ITPR1: variants seen among roughly 807,000 people sequenced by gnomAD.
The protein encoded by ITPR1 is inositol 1,4,5-trisphosphate receptor type 1.
A neutral mutation model predicts 318.4 loss-of-function variants in ITPR1; 96 were observed. That is an observed-to-expected ratio of 0.30 (90% confidence interval 0.26 to 0.36). The LOEUF (loss-of-function observed/expected upper bound fraction) is 0.36, where lower values mean the gene tolerates loss of function less well. Among genes scored for constraint, ITPR1 ranks in the 10% least tolerant of loss-of-function variants. The probability of loss-of-function intolerance (pLI) is 1.00; values close to 1 mark genes in which losing one functional copy is unlikely to be tolerated. For synonymous variants in ITPR1, 1,312 were observed against 1,289.9 expected, an observed-to-expected ratio of 1.02 and a Z score of -0.37; for missense variants, 2,440 against 3,460.2, an observed-to-expected ratio of 0.71 and a Z score of 7.40.
chr3:4,839,661 T>C (rs996682371), intron 61 of ITPR1, among the ~76,000 whole-genome samples: 1 of 152,236 alleles, frequency 6.6e-6, no homozygotes, highest in African/African-American at 2.4e-5. Flanking sequence ...GTGAGCATAG[T>C]AGAGACTTGG....
intron 61 of ITPR1, among the ~76,000 whole-genome samples, chr3:4,841,762 G>C (rs1167163375): frequency 6.6e-6 from 1 of 152,186 alleles, no homozygotes; most frequent in Non-Finnish European, 1.5e-5. Flanking sequence ...TTCAAAGCCT[G>C]AGTAAGAGTT....
chr3:4,576,666 C>T (rs529903996), intron 4 of ITPR1, among the ~76,000 whole-genome samples: 11 of 152,318 alleles, frequency 7.2e-5, no homozygotes, highest in African/African-American at 1.9e-4. Context: ...GCCCGTTATC[C>T]GTGGAATGCT....
chr3:4,664,739 T>G (rs2093910209), intron 16 of ITPR1, among the ~76,000 whole-genome samples: 1 of 152,372 alleles, frequency 6.6e-6, no homozygotes, highest in South Asian at 2.1e-4. Context: ...TCATCCATTT[T>G]CATCCTTACT....
At chr3:4,604,114 T>A (rs898701870) in intron 4 of ITPR1, among the ~76,000 whole-genome samples, 13 of 152,356 alleles carry the variant, frequency 8.5e-5, no homozygotes, top group Admixed American at 6.5e-5. Context: ...CCTGTGTTGG[T>A]TGACCATCTG....
intron 36 of ITPR1, among the ~76,000 whole-genome samples, 198 bp from the exon 37 acceptor site, chr3:4,705,969 C>A (rs1409912839): frequency 1.3e-5 from 2 of 152,168 alleles, no homozygotes; most frequent in East Asian, 1.9e-4. Flanking sequence ...TGCTTCCCCC[C>A]AGAATTCACA....
At chr3:4,808,698 A>G (rs146822612) in intron 55 of ITPR1, among the ~76,000 whole-genome samples, 1 of 152,306 alleles carries the variant, frequency 6.6e-6, no homozygotes, top group African/African-American at 2.4e-5. Flanking sequence ...AAATTATTCT[A>G]CTAATAAGGA....
chr3:4,702,728 G>T, intron 35 of ITPR1, 102 bp from the exon 36 acceptor site: 1 of 1,252,552 alleles, frequency 8.0e-7, no homozygotes, highest in Non-Finnish European at 1.1e-6. Context: ...TCTCTGATCT[G>T]GGGTCCAGTG....
chr3:4,499,499 A>G (rs304066), intron 2 of ITPR1, among the ~76,000 whole-genome samples: 16,992 of 152,152 alleles, frequency 0.11, 1,017 homozygotes, highest in African/African-American at 0.15. Flanking sequence ...ACATATATAA[A>G]TAGATATTTG....
In ITPR1 at chr3:4,831,106, GTCTCTC is replaced by G. The variant is rs147851903; in HGVS notation, c.8029-5647_8029-5642del. 5.3e-3 allele frequency: 2,097 copies of G among 395,200 alleles called. 41 individuals are homozygous for G. Among genetic ancestry groups the G allele is most frequent in the Admixed American group, 0.018 (638 of 35,286 alleles). 24.5% of individuals were successfully genotyped at this position (395,200 alleles called of 1,614,324 possible). ...CTTCCTCCTCCGTCTGTCTGTCTTTGTCTCTCTCTCTCTCTCTCTCTCTCTCACACA... is the reference window on the plus strand; with the variant it reads ...CTTCCTCCTCCGTCTGTCTGTCTTTGTCTCTCTCTCTCTCTCTCTCACACA... On this transcript the variant is annotated intron_variant, in intron 60 of 61. Transcript: ENST00000649015.
At chr3:4,511,552 G>A (rs1203472614) in intron 2 of ITPR1, among the ~76,000 whole-genome samples, 1 of 152,212 alleles carries the variant, frequency 6.6e-6, no homozygotes, top group Non-Finnish European at 1.5e-5. Flanking sequence ...TATATTGGTG[G>A]CATGCCTACT....
chr3:4,610,948 C>T (rs1401690713), intron 4 of ITPR1, among the ~76,000 whole-genome samples: 4 of 81,482 alleles, frequency 4.9e-5, no homozygotes, highest in African/African-American at 1.2e-4. Flanking sequence ...TTCCTCTTCC[C>T]CTTCCCCTTC....
In ITPR1 at chr3:4,589,567, C is replaced by A. The variant is rs1429458860; in HGVS notation, c.164-38196C>A. Among the ~76,000 whole-genome samples the A allele has an allele frequency of 3.9e-5, 6 of 152,210 alleles. No homozygotes were observed. In the East Asian group the frequency reaches 1.2e-3, roughly 29 times the overall value. On this transcript the variant is annotated intron_variant, in intron 4 of 61. Transcript: ENST00000649015. ...CACTAGTCTGGAATGACTGCTGTGG[C>A]CTTCTAGTAGTGGATCTCCTTGTTT...
intron 4 of ITPR1, among the ~76,000 whole-genome samples, chr3:4,563,586 C>T (rs570693224): frequency 1.1e-4 from 16 of 152,310 alleles, no homozygotes; most frequent in South Asian, 6.2e-4. Flanking sequence ...TTATTAGCCA[C>T]GTGAAGTTTG....
intron 61 of ITPR1, among the ~76,000 whole-genome samples, chr3:4,841,664 G>A (rs953620798): frequency 8.5e-5 from 13 of 152,176 alleles, no homozygotes; most frequent in Non-Finnish European, 4.4e-5. Flanking sequence ...TGGAGAAAAG[G>A]GAGTGATTTG....
At chr3:4,563,239 G>T (rs943174121) in intron 4 of ITPR1, among the ~76,000 whole-genome samples, 6 of 152,172 alleles carry the variant, frequency 3.9e-5, no homozygotes, top group African/African-American at 9.7e-5. Flanking sequence ...TGTTGGCTGG[G>T]TGTCACACCT....
intron 60 of ITPR1, among the ~76,000 whole-genome samples, chr3:4,835,847 T>C (rs909725984): frequency 1.3e-5 from 2 of 152,190 alleles, no homozygotes; most frequent in Non-Finnish European, 1.5e-5. Context: ...TGAGAAATAC[T>C]GTTTACAGGC....
At chr3:4,500,645 T>A (rs535852780) in intron 2 of ITPR1, among the ~76,000 whole-genome samples, 2 of 152,326 alleles carry the variant, frequency 1.3e-5, no homozygotes, top group South Asian at 2.1e-4. Flanking sequence ...GCAATTGACC[T>A]ATCCTTGCCT....
chr3:4,628,033 G>A (rs2307066), intron 5 of ITPR1, among the ~76,000 whole-genome samples, 155 bp downstream of exon 5: 5 of 152,092 alleles, frequency 3.3e-5, no homozygotes, highest in South Asian at 2.1e-4. Flanking sequence ...GGAACCGACC[G>A]TAGAGAGGGA....
At chr3:4,786,382 A>T (rs141737286) in intron 51 of ITPR1, among the ~76,000 whole-genome samples, 3 of 152,294 alleles carry the variant, frequency 2.0e-5, no homozygotes, top group African/African-American at 7.2e-5. Flanking sequence ...TGGTCTAAAG[A>T]CCACACCCCC....
Sources: allele counts gnomAD v4.1 joint callset (sites outside exome capture counted in the v4.1 genomes callset), GRCh38; gene constraint gnomAD v4.1.1; transcripts MANE v1.5; gene names NCBI Gene and HGNC (gene_info 2026-07-23, HGNC 2026-07-21).